RGS17: variants seen among roughly 807,000 people sequenced by gnomAD.
RGS17 encodes the protein regulator of G protein signaling 17, also known as regulator of G-protein signaling 17.
RGS17 carries 12 observed loss-of-function variants against 25.5 expected under a neutral mutation model. The observed-to-expected ratio is 0.47, with a 90% confidence interval of 0.30 to 0.76. The LOEUF is 0.76. Among genes scored for constraint, RGS17 ranks in the 30% least tolerant of loss-of-function variants. The pLI, the probability that RGS17 is intolerant of heterozygous loss-of-function variation, is 0.07. For synonymous variants in RGS17, 71 were observed against 76.9 expected, an observed-to-expected ratio of 0.92 and a Z score of 0.40; for missense variants, 196 against 242.2, an observed-to-expected ratio of 0.81 and a Z score of 1.27.
chr6:153,098,917 C>T (rs1215856020), intron 1 of RGS17, among the ~76,000 whole-genome samples: 2 of 152,010 alleles, frequency 1.3e-5, no homozygotes, highest in Non-Finnish European at 2.9e-5. Flanking sequence ...GAGAAGGAAC[C>T]GACAAAAATA....
intron 1 of RGS17, among the ~76,000 whole-genome samples, chr6:153,120,548 G>A (rs1463462447): frequency 6.6e-6 from 1 of 152,080 alleles, no homozygotes; most frequent in African/African-American, 2.4e-5. Flanking sequence ...TGAAATTGTG[G>A]TGTTCCTACT....
chr6:153,112,252 A>G (rs1777481350), intron 1 of RGS17, among the ~76,000 whole-genome samples: 1 of 152,216 alleles, frequency 6.6e-6, no homozygotes, highest in Non-Finnish European at 1.5e-5. Context: ...GGCACTGAAA[A>G]ACAACATGAG....
intron 4 of RGS17, among the ~76,000 whole-genome samples, chr6:153,017,188 G>T (rs73785717): frequency 8.6e-5 from 13 of 152,046 alleles, no homozygotes; most frequent in Non-Finnish European, 1.9e-4. Context: ...AGGTTTGACC[G>T]CATTTAACTG....
intron 1 of RGS17, among the ~76,000 whole-genome samples, chr6:153,090,375 G>C (rs1240500147): frequency 6.6e-6 from 1 of 151,504 alleles, no homozygotes; most frequent in Non-Finnish European, 1.5e-5. Context: ...GACTTCAGGA[G>C]GCCGAGGCAG....
At chr6:153,063,338 CAG>C (rs1354820723) in intron 1 of RGS17, among the ~76,000 whole-genome samples, 2 of 151,966 alleles carry the variant, frequency 1.3e-5, no homozygotes, top group Admixed American at 1.3e-4. Flanking sequence ...CAAGAGAACA[CAG>C]AGAAGGAATT....
chr6:153,053,952 AC>A lies in RGS17; in HGVS notation c.-25-9910del, dbSNP rs1776499631. On this transcript the variant is annotated intron_variant, in intron 1 of 4. Coordinates refer to ENST00000206262, the MANE Select transcript of RGS17 (RefSeq NM_012419.5). The stretch of plus-strand genomic sequence containing the variant: ...ATATATATGTATATATAATATATAT[AC>A]ATATATATTATATACATATATATGT... 2.3e-4 allele frequency among the ~76,000 whole-genome samples: 6 copies of A among 26,292 alleles called. 3 individuals are homozygous for A. Among genetic ancestry groups the A allele is most frequent in the East Asian group, 2.4e-3 (2 of 842 alleles). The allele number at this position is 26,292 out of a possible 152,430, so 17.2% of individuals were successfully genotyped here.
In RGS17 at chr6:153,063,671, C is replaced by T. The variant is rs563544711; in HGVS notation, c.-25-19628G>A. 8.5e-5 allele frequency among the ~76,000 whole-genome samples: 13 copies of T among 152,228 alleles called. 1 individual carries two copies. The East Asian group carries it at 1.5e-3, about 18-fold the overall frequency. On this transcript the variant is annotated intron_variant, in intron 1 of 4. Coordinates refer to ENST00000206262, the MANE Select transcript of RGS17 (RefSeq NM_012419.5). The stretch of plus-strand genomic sequence containing the variant: ...GAAAGAGAAGGGTAGAAAGTTTATT[C>T]AAAGGGATAACAGAGAACTTCCCAA...
At chr6:153,098,532 A>G (rs1337178714) in intron 1 of RGS17, among the ~76,000 whole-genome samples, 1 of 152,128 alleles carries the variant, frequency 6.6e-6, no homozygotes, top group Non-Finnish European at 1.5e-5. Context: ...TCTTTCATGC[A>G]GTGATTTCTG....
At chr6:153,065,426 A>G (rs2129115939) in intron 1 of RGS17, among the ~76,000 whole-genome samples, 1 of 152,356 alleles carries the variant, frequency 6.6e-6, no homozygotes, top group African/African-American at 2.4e-5. Flanking sequence ...ATCAGACTTA[A>G]TCTGCACTAT....
intron 1 of RGS17, among the ~76,000 whole-genome samples, chr6:153,080,406 T>A (rs1776957119): frequency 6.6e-6 from 1 of 152,190 alleles, no homozygotes; most frequent in African/African-American, 2.4e-5. Context: ...CTCCTCTTTT[T>A]TTCATTCTTG....
intron 1 of RGS17, among the ~76,000 whole-genome samples, chr6:153,055,161 T>A (rs1776535791): frequency 6.6e-6 from 1 of 152,102 alleles, no homozygotes; most frequent in Non-Finnish European, 1.5e-5. Context: ...CCTCAGGTGA[T>A]CACATCCTGG....
In RGS17 at chr6:153,026,486, T is replaced by C; in HGVS notation, c.177A>G (p.Thr59=). 6.2e-7 allele frequency: 1 copy of C among 1,613,404 alleles called. No homozygotes were observed. Among genetic ancestry groups the C allele is most frequent in the Non-Finnish European group, 8.5e-7 (1 of 1,179,490 alleles). Residue 59 remains threonine (T), a synonymous_variant, in exon 3 of 5, where the codon ACA becomes ACG. Coordinates refer to ENST00000206262, the MANE Select transcript of RGS17 (RefSeq NM_012419.5). ...GENAGRPTHT[T]KMESIQVLEE... ...CTAGGACCTGGATACTCTCCATTTT[T>C]GTAGTGTGTGTGGGTCTTCCCGCAT...
rs535784771 is a variant in RGS17 at position 153,130,013 on chromosome 6, G to A, written c.-26+1111C>T. On this transcript the variant is annotated intron_variant, in intron 1 of 4. Transcript: ENST00000206262. This position sits in a 1 kb window ranked among gnomAD's most constrained non-coding sequence, Gnocchi z 6.4. ...CCGGCTCGCTCTCCCGGAGCCCAGGGACTCCCGAGGCTGGCGCGGGCTGCC... is the reference window on the plus strand; with the variant it reads ...CCGGCTCGCTCTCCCGGAGCCCAGGAACTCCCGAGGCTGGCGCGGGCTGCC... Among the ~76,000 whole-genome samples the A allele has an allele frequency of 2.0e-5, 3 of 152,232 alleles. No individual in the cohort carries two copies. The East Asian group carries it at 5.8e-4, about 30-fold the overall frequency.
chr6:153,105,114 T>G (rs377601653), intron 1 of RGS17, among the ~76,000 whole-genome samples: 1 of 151,572 alleles, frequency 6.6e-6, no homozygotes, highest in African/African-American at 2.4e-5. Context: ...TGTAAGGACT[T>G]TGGGATTTAC....
At chr6:153,105,979 G>A (rs1209693598) in intron 1 of RGS17, among the ~76,000 whole-genome samples, 1 of 152,188 alleles carries the variant, frequency 6.6e-6, no homozygotes, top group Non-Finnish European at 1.5e-5. Context: ...GAGGCAGGGA[G>A]GCTGCCACAA....
intron 4 of RGS17, among the ~76,000 whole-genome samples, chr6:153,012,878 T>C (rs1379245092): frequency 1.3e-5 from 2 of 152,336 alleles, no homozygotes; most frequent in African/African-American, 4.8e-5. Context: ...CAGTCTCTTA[T>C]TGAAGCCTCT....
At chr6:153,111,445 G>A (rs573867510) in intron 1 of RGS17, among the ~76,000 whole-genome samples, 2 of 152,306 alleles carry the variant, frequency 1.3e-5, no homozygotes, top group East Asian at 3.9e-4. Flanking sequence ...CCCCAGTCAG[G>A]GGCTTATAGA....
chr6:153,096,693 A>C (rs1777218645), intron 1 of RGS17, among the ~76,000 whole-genome samples: 1 of 152,226 alleles, frequency 6.6e-6, no homozygotes. Flanking sequence ...AATTTTTTCT[A>C]TGAGGAATAT....
chr6:153,116,812 A>C (rs1364064012), intron 1 of RGS17, among the ~76,000 whole-genome samples: 2 of 152,172 alleles, frequency 1.3e-5, no homozygotes, highest in Non-Finnish European at 2.9e-5. Flanking sequence ...TTCTCAGCAA[A>C]CTAACACAGG....
Sources: allele counts gnomAD v4.1 joint callset (sites outside exome capture counted in the v4.1 genomes callset), GRCh38; gene constraint gnomAD v4.1.1; non-coding constraint Gnocchi (gnomAD v3.1); transcripts MANE v1.5; gene names NCBI Gene and HGNC (gene_info 2026-07-23, HGNC 2026-07-21).